GRAP: variants seen among roughly 807,000 people sequenced by gnomAD.
GRAP encodes the protein GRB2 related adaptor protein.
GRAP carries 2 observed loss-of-function variants against 9.1 expected under a neutral mutation model. The ratio of observed to expected loss-of-function variants is 0.22; its 90% CI spans 0.09 to 0.69. GRAP has a LOEUF of 0.69. Among genes scored for constraint, GRAP ranks in the 30% least tolerant of loss-of-function variants. The probability of loss-of-function intolerance (pLI) is 0.81; values close to 1 mark genes in which losing one functional copy is unlikely to be tolerated. For synonymous variants in GRAP, 68 were observed against 73.6 expected (o/e 0.92, Z 0.39); for missense variants, 113 against 179.4 (o/e 0.63, Z 2.12).
Position 19,021,816 on chromosome 17 carries a change from C to G in GRAP, c.*143G>C, listed in dbSNP as rs2044268689. Reference sequence around the variant, plus strand: ...GGCCATCCCAGTTTGTGCAGAGCGGCCGGAGGCAGTTAGGAGCCCACGTTC... The same window carrying G: ...GGCCATCCCAGTTTGTGCAGAGCGGGCGGAGGCAGTTAGGAGCCCACGTTC... On this transcript the variant is annotated 3_prime_UTR_variant, in exon 5 of 5. Transcript: ENST00000284154. This position sits in a 1 kb window ranked among gnomAD's most constrained non-coding sequence, Gnocchi z 4.1. 1 of 812,322 alleles carries G rather than the reference C, an allele frequency of 1.2e-6. No homozygotes were observed. Among genetic ancestry groups the G allele is most frequent in the Non-Finnish European group, 1.7e-6 (1 of 587,520 alleles). 50.3% of individuals were successfully genotyped at this position (812,322 alleles called of 1,614,324 possible). A position where few individuals can be genotyped will look rare whatever the true frequency, so the allele number is the denominator to read the frequency against.
chr17:19,022,295 GC>G, intron 4 of GRAP, 151 bp from the exon 5 acceptor site: 1 of 490,620 alleles, frequency 2.0e-6, no homozygotes, highest in Non-Finnish European at 3.7e-6. Context: ...CAATGGTAGT[GC>G]CACCACTGGG....
intron 3 of GRAP, among the ~76,000 whole-genome samples, chr17:19,030,164 G>C (rs1338384511): frequency 1.7e-5 from 2 of 118,510 alleles, no homozygotes; most frequent in African/African-American, 3.9e-5. Context: ...AAAGCCCCAA[G>C]GACCAAGTCA....
intron 4 of GRAP, among the ~76,000 whole-genome samples, chr17:19,023,630 G>GACCCCCC (rs978615058): frequency 8.0e-4 from 64 of 79,508 alleles, no homozygotes; most frequent in Middle Eastern, 6.8e-3. Context: ...GGATGACCCC[G>GACCCCCC]ACCCCCCACC....
At chr17:19,025,382 C>T (rs1427924806) in intron 3 of GRAP, among the ~76,000 whole-genome samples, 6 of 147,480 alleles carry the variant, frequency 4.1e-5, no homozygotes, top group Non-Finnish European at 7.5e-5. Context: ...TTAGTAGAGA[C>T]GGGGTTTCAC....
At chr17:19,027,528 C>G (rs2044319504) in intron 3 of GRAP, among the ~76,000 whole-genome samples, 1 of 95,340 alleles carries the variant, frequency 1.0e-5, no homozygotes, top group South Asian at 3.2e-4. Flanking sequence ...ACACACACCC[C>G]TACCTCTCCT....
upstream of GRAP, among the ~76,000 whole-genome samples, chr17:19,048,910 G>GC (rs1567822529): frequency 7.1e-6 from 1 of 140,170 alleles, no homozygotes; most frequent in Non-Finnish European, 1.5e-5. Flanking sequence ...CCTTCTGGCT[G>GC]CCCCCGACCC....
Position 19,021,823 on chromosome 17 carries a change from C to A in GRAP, c.*136G>T. 2.3e-6 allele frequency: 2 copies of A among 875,264 alleles called. No individual in the cohort carries two copies. The highest frequency in any genetic ancestry group is 3.1e-6 in the Non-Finnish European group (2 of 643,976). 54.2% of individuals were successfully genotyped at this position (875,264 alleles called of 1,614,324 possible). A position where few individuals can be genotyped will look rare whatever the true frequency, so the allele number is the denominator to read the frequency against. Reference sequence around the variant, plus strand: ...CCAGTTTGTGCAGAGCGGCCGGAGGCAGTTAGGAGCCCACGTTCAGTCCAA... The same window carrying A: ...CCAGTTTGTGCAGAGCGGCCGGAGGAAGTTAGGAGCCCACGTTCAGTCCAA... On this transcript the variant is annotated 3_prime_UTR_variant, in exon 5 of 5. Coordinates refer to ENST00000284154, the MANE Select transcript of GRAP (RefSeq NM_006613.4). The surrounding 1 kb of genome is among the most constrained non-coding windows in gnomAD (Gnocchi z 4.1).
chr17:19,030,327 G>A lies in GRAP; in HGVS notation c.299+5631C>T, dbSNP rs527236957. ...GCTGGGGTGGGGGCAGGAGCCCTAG[G>A]ACACCCCCTCCACCACCCCAACCAG... On this transcript the variant is annotated intron_variant, in intron 3 of 4. Transcript: ENST00000284154. 408 of 325,780 alleles carry A rather than the reference G, an allele frequency of 1.3e-3. 16 individuals carry two copies. The highest frequency in any genetic ancestry group is 1.9e-3 in the Non-Finnish European group (343 of 177,482). 20.2% of individuals were successfully genotyped at this position (325,780 alleles called of 1,614,324 possible).
rs1257110997 is a variant in GRAP, at chr17:19,020,693, G to A, written c.*1266C>T. ...TTAGATTTCTGACGGACATCCTGAT[G>A]TTGGTTTTACTGTTTTCGTTTTGAA... On this transcript the variant is annotated 3_prime_UTR_variant, in exon 5 of 5. Coordinates refer to ENST00000284154, the MANE Select transcript of GRAP (RefSeq NM_006613.4). 2 of 526,064 alleles carry A rather than the reference G, an allele frequency of 3.8e-6. No homozygotes were observed. The highest frequency in any genetic ancestry group is 3.8e-5 in the African/African-American group (2 of 52,456). The allele number at this position is 526,064 out of a possible 1,614,324, so 32.6% of individuals were successfully genotyped here.
In GRAP at chr17:19,021,562, G is replaced by A. The variant is rs1176840986; in HGVS notation, c.*397C>T. 1 of 355,890 alleles carries A rather than the reference G, an allele frequency of 2.8e-6. No individual in the cohort carries two copies. Among genetic ancestry groups the A allele is most frequent in the Non-Finnish European group, 5.0e-6 (1 of 198,574 alleles). The allele number at this position is 355,890 out of a possible 1,614,324, so 22.0% of individuals were successfully genotyped here. On this transcript the variant is annotated 3_prime_UTR_variant, in exon 5 of 5. Coordinates refer to ENST00000284154, the MANE Select transcript of GRAP (RefSeq NM_006613.4). This position sits in a 1 kb window ranked among gnomAD's most constrained non-coding sequence, Gnocchi z 4.1. Reference sequence around the variant, plus strand: ...GGCAGGCAGGCCCAGTGGGTGGTCAGCCCAAGGTGAACCCACCCACCATGG... The same window carrying A: ...GGCAGGCAGGCCCAGTGGGTGGTCAACCCAAGGTGAACCCACCCACCATGG...
rs2044251076 is a variant in GRAP at position 19,020,759 on chromosome 17, C to T, written c.*1200G>A. Reference sequence around the variant, plus strand: ...AGGAGCAGTGAGATTTGCCAGCACTCAGGGTTCTAAGGGTCTTGGGCCAGC... The same window carrying T: ...AGGAGCAGTGAGATTTGCCAGCACTTAGGGTTCTAAGGGTCTTGGGCCAGC... On this transcript the variant is annotated 3_prime_UTR_variant, in exon 5 of 5. Transcript: ENST00000284154. The T allele has an allele frequency of 8.6e-6, 3 of 350,538 alleles. No individual in the cohort carries two copies. The highest frequency in any genetic ancestry group is 9.4e-4 in the Middle Eastern group (1 of 1,060). The allele number at this position is 350,538 out of a possible 1,614,324, so 21.7% of individuals were successfully genotyped here.
At position 19,024,370 on chromosome 17, in the gene GRAP, C is replaced by T; in HGVS notation, c.313G>A (p.Val105Met). 1.2e-6 allele frequency: 2 copies of T among 1,611,650 alleles called. No homozygotes were observed. Among genetic ancestry groups the T allele is most frequent in the East Asian group, 2.2e-5 (1 of 44,858 alleles). ...FSVSVNYGDQ[V>M]QHFKVLREAS... is the part of the protein sequence containing the mutation. Reference sequence around the variant, plus strand: ...TCACGCAGCACCTTGAAGTGCTGCACCTGGTCTCCATAGCTAGGGGAAAGG... The same window carrying T: ...TCACGCAGCACCTTGAAGTGCTGCATCTGGTCTCCATAGCTAGGGGAAAGG... The change falls in exon 4 of 5, where the codon GTG (valine) becomes ATG (methionine). Residue 105 changes from valine (V) to methionine (M), a missense_variant. Val to Met is a conservative substitution (Grantham distance 21, BLOSUM62 1). Around this residue, in one of 2 missense-constraint regions of GRAP, gnomAD observed 113 missense variants for 163.3 expected, o/e 0.69. Coordinates refer to ENST00000284154, the MANE Select transcript of GRAP (RefSeq NM_006613.4). This position sits in a 1 kb window ranked among gnomAD's most constrained non-coding sequence, Gnocchi z 4.2.
rs2044265597 is a variant in GRAP, at chr17:19,021,616, G to A, written c.*343C>T. Reference sequence around the variant, plus strand: ...GGGTTCCTTAGGTTGAGCCTCCAGTGGGTGAAACCTGGGAGTCCTCAACCT... The same window carrying A: ...GGGTTCCTTAGGTTGAGCCTCCAGTAGGTGAAACCTGGGAGTCCTCAACCT... On this transcript the variant is annotated 3_prime_UTR_variant, in exon 5 of 5. Transcript: ENST00000284154. This position sits in a 1 kb window ranked among gnomAD's most constrained non-coding sequence, Gnocchi z 4.1. The A allele has an allele frequency of 2.6e-6, 1 of 391,704 alleles. No homozygotes were observed. The highest frequency in any genetic ancestry group is 2.1e-5 in the African/African-American group (1 of 48,552). The allele number at this position is 391,704 out of a possible 1,614,324, so 24.3% of individuals were successfully genotyped here.
At position 19,024,851 on chromosome 17, in the gene GRAP, T is replaced by A. The variant is rs970326841; in HGVS notation, c.300-468A>T. Reference sequence around the variant, plus strand: ...TGCTCCTCCCATGCCCCAGAGTCCCTTGGGGAGCAAGTCCTAGACTCATCC... The same window carrying A: ...TGCTCCTCCCATGCCCCAGAGTCCCATGGGGAGCAAGTCCTAGACTCATCC... On this transcript the variant is annotated intron_variant, in intron 3 of 4. Transcript: ENST00000284154. The surrounding 1 kb of genome is among the most constrained non-coding windows in gnomAD (Gnocchi z 4.2). 4.6e-5 allele frequency among the ~76,000 whole-genome samples: 7 copies of A among 152,100 alleles called. No individual in the cohort carries two copies. Among genetic ancestry groups the A allele is most frequent in the Non-Finnish European group, 1.0e-4 (7 of 68,012 alleles).
Position 19,020,681 on chromosome 17 carries a change from G to C in GRAP, c.*1278C>G. 1 of 544,558 alleles carries C rather than the reference G, an allele frequency of 1.8e-6. No individual in the cohort carries two copies. The allele number at this position is 544,558 out of a possible 1,614,324, so 33.7% of individuals were successfully genotyped here. A position where few individuals can be genotyped will look rare whatever the true frequency, so the allele number is the denominator to read the frequency against. ...TTGGAAGGAAAATTAGATTTCTGAC[G>C]GACATCCTGATGTTGGTTTTACTGT... On this transcript the variant is annotated 3_prime_UTR_variant, in exon 5 of 5. Transcript: ENST00000284154.
chr17:19,031,485 A>G (rs567355201), intron 3 of GRAP: 1 of 130,384 alleles, frequency 7.7e-6, no homozygotes, highest in South Asian at 2.8e-4. Context: ...CCTCTTCTCT[A>G]AGAGTGTTGG....
chr17:19,024,299 G>A lies in GRAP; in HGVS notation c.384C>T (p.Leu128=). ...TGCGGTAGAAGTCGACCAGCTCGTT[G>A]AGGGAGTTGAACTTCTCCTCCCACA... ...YFLWEEKFNS[L]NELVDFYRTT... is the part of the protein sequence containing the mutation. The change falls in exon 4 of 5, where the codon CTC becomes CTT. Residue 128 remains leucine, a synonymous_variant. Coordinates refer to ENST00000284154, the MANE Select transcript of GRAP (RefSeq NM_006613.4). The surrounding 1 kb of genome is among the most constrained non-coding windows in gnomAD (Gnocchi z 4.2). The A allele has an allele frequency of 6.2e-7, 1 of 1,610,588 alleles. No homozygotes were observed. Among genetic ancestry groups the A allele is most frequent in the Non-Finnish European group, 8.5e-7 (1 of 1,178,492 alleles).
chr17:19,023,084 G>C (rs1478988878), intron 4 of GRAP, among the ~76,000 whole-genome samples: 1 of 152,136 alleles, frequency 6.6e-6, no homozygotes, highest in Non-Finnish European at 1.5e-5. Context: ...TGGTGAACAG[G>C]GAGGAGGATG....
At chr17:19,025,004 T>G (rs1464898852) in intron 3 of GRAP, among the ~76,000 whole-genome samples, 1 of 152,120 alleles carries the variant, frequency 6.6e-6, no homozygotes, top group Non-Finnish European at 1.5e-5. Context: ...CACTTCAGAC[T>G]CAAGATCTGG....
Sources: allele counts gnomAD v4.1 joint callset (sites outside exome capture counted in the v4.1 genomes callset), GRCh38; gene constraint gnomAD v4.1.1; regional missense constraint gnomAD v4.1.1; non-coding constraint Gnocchi (gnomAD v3.1); transcripts MANE v1.5; gene names NCBI Gene and HGNC (gene_info 2026-07-23, HGNC 2026-07-21).